TCF7L2: variants seen among roughly 807,000 people sequenced by gnomAD.
TCF7L2 encodes transcription factor 7 like 2.
A neutral mutation model predicts 77.9 loss-of-function variants in TCF7L2; 23 were observed. The ratio of observed to expected loss-of-function variants is 0.30; its 90% CI spans 0.21 to 0.42. The LOEUF (loss-of-function observed/expected upper bound fraction) is 0.42, where lower values mean the gene tolerates loss of function less well. Ranked by LOEUF, TCF7L2 falls within the 10% of genes least tolerant of loss-of-function variation. TCF7L2 has a pLI of 1.00. For missense variants in TCF7L2, 654 were observed against 793.1 expected, an observed-to-expected ratio of 0.82 and a Z score of 2.11; for synonymous variants, 413 against 340.2, an observed-to-expected ratio of 1.21 and a Z score of -2.36.
At chr10:113,063,088 A>G (rs1055500227) in intron 5 of TCF7L2, among the ~76,000 whole-genome samples, 8 of 152,144 alleles carry the variant, frequency 5.3e-5, no homozygotes, top group Non-Finnish European at 8.8e-5. Flanking sequence ...AGTGCTTGCA[A>G]ACAGTACAGT....
intron 5 of TCF7L2, among the ~76,000 whole-genome samples, chr10:113,051,146 C>T (rs926072649): frequency 1.3e-5 from 2 of 151,812 alleles, no homozygotes; most frequent in South Asian, 2.1e-4. Flanking sequence ...GTCTTTTCCA[C>T]GCAGAGAGGA....
At chr10:113,102,849 G>A (rs2061820237) in intron 5 of TCF7L2, among the ~76,000 whole-genome samples, 1 of 152,038 alleles carries the variant, frequency 6.6e-6, no homozygotes, top group African/African-American at 2.4e-5. Flanking sequence ...TATCCTTCTG[G>A]CACTGGATTA....
chr10:113,011,525 G>A (rs1459357222), intron 4 of TCF7L2, among the ~76,000 whole-genome samples: 2 of 152,164 alleles, frequency 1.3e-5, no homozygotes, highest in East Asian at 1.9e-4. Flanking sequence ...TGCTACTACC[G>A]TGAGTATTGC....
At chr10:113,067,000 T>C (rs908436557) in intron 5 of TCF7L2, among the ~76,000 whole-genome samples, 36 of 152,262 alleles carry the variant, frequency 2.4e-4, no homozygotes, top group African/African-American at 8.4e-4. Flanking sequence ...GCATTTAATA[T>C]ACTGCTGTTC....
chr10:113,046,423 T>C (rs949393161), intron 5 of TCF7L2, among the ~76,000 whole-genome samples: 2 of 152,196 alleles, frequency 1.3e-5, no homozygotes, highest in Admixed American at 6.5e-5. Flanking sequence ...AGACTGTTTC[T>C]TTTTGGTACA....
chr10:113,040,925 G>A (rs2052335155), intron 5 of TCF7L2, among the ~76,000 whole-genome samples: 3 of 152,126 alleles, frequency 2.0e-5, no homozygotes, highest in Admixed American at 2.0e-4. Context: ...TTTTTATAAT[G>A]AATCCATCCA....
intron 4 of TCF7L2, among the ~76,000 whole-genome samples, chr10:112,985,755 C>T (rs2041373660): frequency 6.6e-6 from 1 of 152,104 alleles, no homozygotes; most frequent in Admixed American, 6.6e-5. Context: ...ATGCCCCCCC[C>T]TTCACTTGGG....
At chr10:113,053,755 C>G (rs932056964) in intron 5 of TCF7L2, among the ~76,000 whole-genome samples, 1 of 152,172 alleles carries the variant, frequency 6.6e-6, no homozygotes, top group Non-Finnish European at 1.5e-5. Context: ...CTCACTAGCT[C>G]CAGGCCTTTT....
At chr10:112,984,315 T>A (rs1228517387) in intron 4 of TCF7L2, among the ~76,000 whole-genome samples, 1 of 150,726 alleles carries the variant, frequency 6.6e-6, no homozygotes, top group Non-Finnish European at 1.5e-5. Flanking sequence ...TTTGTTTTTG[T>A]TTTTTTTTGG....
At chr10:113,073,997 G>A (rs1321900346) in intron 5 of TCF7L2, among the ~76,000 whole-genome samples, 4 of 152,150 alleles carry the variant, frequency 2.6e-5, no homozygotes, top group African/African-American at 4.8e-5. Flanking sequence ...TTCCACATCC[G>A]GTGCTGCTGT....
chr10:113,125,595 G>A (rs540036696), intron 5 of TCF7L2: 37 of 152,230 alleles, frequency 2.4e-4, no homozygotes, highest in African/African-American at 8.9e-4. Flanking sequence ...GTTCAGCAAC[G>A]GGCCGGCTCC....
At chr10:113,089,072 A>G (rs2060113922) in intron 5 of TCF7L2, among the ~76,000 whole-genome samples, 1 of 152,190 alleles carries the variant, frequency 6.6e-6, no homozygotes, top group African/African-American at 2.4e-5. Context: ...AAGTTGAGAG[A>G]GAAAATGCTA....
chr10:113,132,277 C>T (rs376624044), intron 5 of TCF7L2, among the ~76,000 whole-genome samples: 5 of 152,292 alleles, frequency 3.3e-5, no homozygotes, highest in African/African-American at 1.2e-4. Context: ...TTCTCAGACT[C>T]CATGGAGTAG....
At chr10:112,968,240 A>G (rs1331614087) in intron 4 of TCF7L2, among the ~76,000 whole-genome samples, 2 of 152,154 alleles carry the variant, frequency 1.3e-5, no homozygotes, top group African/African-American at 4.8e-5. Context: ...TTTGAACCAC[A>G]TGGATCCACT....
intron 5 of TCF7L2, among the ~76,000 whole-genome samples, chr10:113,107,475 G>A (rs1444369862): frequency 6.6e-6 from 1 of 151,500 alleles, no homozygotes; most frequent in Non-Finnish European, 1.5e-5. Context: ...CGGGCGTGGT[G>A]GCTCATGCCT....
At chr10:113,119,928 T>C (rs939756014) in intron 5 of TCF7L2, among the ~76,000 whole-genome samples, 3 of 152,198 alleles carry the variant, frequency 2.0e-5, no homozygotes, top group African/African-American at 7.2e-5. Flanking sequence ...GGATCTTCAG[T>C]GAGAGACATT....
chr10:112,997,475 T>G (rs1240947086), intron 4 of TCF7L2, among the ~76,000 whole-genome samples: 1 of 151,842 alleles, frequency 6.6e-6, no homozygotes, highest in African/African-American at 2.4e-5. Flanking sequence ...AGTGAAACAA[T>G]GGTAGTGCCA....
intron 11 of TCF7L2, among the ~76,000 whole-genome samples, chr10:113,155,524 A>G (rs2071682233): frequency 6.6e-6 from 1 of 152,192 alleles, no homozygotes; most frequent in African/African-American, 2.4e-5. Context: ...CTCTAGTCTA[A>G]ATGACAACTT....
At chr10:113,157,236 G>A (rs1299125929) in intron 11 of TCF7L2, among the ~76,000 whole-genome samples, 1 of 152,026 alleles carries the variant, frequency 6.6e-6, no homozygotes, top group Non-Finnish European at 1.5e-5. Flanking sequence ...CTCCTGCCTC[G>A]GCCTCCCGAG....
Sources: gnomAD v4.1 joint callset for allele counts (sites outside exome capture counted in the v4.1 genomes callset) on GRCh38, gnomAD v4.1.1 for gene constraint, MANE v1.5 for transcripts, NCBI Gene and HGNC (gene_info 2026-07-23, HGNC 2026-07-21) for gene names.